TRAK1: variants seen among roughly 807,000 people sequenced by gnomAD.
The protein encoded by TRAK1 is trafficking kinesin protein 1, also known as trafficking kinesin-binding protein 1.
In TRAK1, 33 loss-of-function variants were observed where a neutral mutation model predicts 92.1. The observed-to-expected ratio is 0.36, with a 90% CI of 0.27 to 0.48. TRAK1 has a LOEUF of 0.48. Among genes scored for constraint, TRAK1 ranks in the 20% least tolerant of loss-of-function variants. The pLI is 0.99. For missense variants in TRAK1, 1,123 were observed against 1,257.9 expected, an observed-to-expected ratio of 0.89 and a Z score of 1.62; for synonymous variants, 521 against 517.3, an observed-to-expected ratio of 1.01 and a Z score of -0.10.
intron 1 of TRAK1, among the ~76,000 whole-genome samples, chr3:42,055,583 T>G (rs144462963): frequency 6.6e-6 from 1 of 152,314 alleles, no homozygotes; most frequent in Non-Finnish European, 1.5e-5. Flanking sequence ...CCATATCAGC[T>G]TCCTGAGTAG....
chr3:42,061,845 C>T (rs1262916326), intron 1 of TRAK1, among the ~76,000 whole-genome samples: 2 of 152,180 alleles, frequency 1.3e-5, no homozygotes, highest in Non-Finnish European at 2.9e-5. Context: ...TAGTACTTTG[C>T]CTTGGAAATG....
intron 7 of TRAK1, 123 bp from the exon 8 acceptor site, chr3:42,192,952 C>T (rs1464805119): frequency 3.6e-6 from 5 of 1,392,190 alleles, no homozygotes; most frequent in Middle Eastern, 5.3e-4. Flanking sequence ...GCACCCTCCC[C>T]ACTCTACCCT....
chr3:42,195,327 A>G (rs1706453626), intron 10 of TRAK1, among the ~76,000 whole-genome samples: 1 of 152,206 alleles, frequency 6.6e-6, no homozygotes, highest in African/African-American at 2.4e-5. Flanking sequence ...TTTAATAGAC[A>G]TTACGTTTAG....
At chr3:42,196,080 T>A (rs1706581523) in intron 10 of TRAK1, among the ~76,000 whole-genome samples, 1 of 152,256 alleles carries the variant, frequency 6.6e-6, no homozygotes, top group African/African-American at 2.4e-5. Flanking sequence ...AATTGAAATT[T>A]GCATTTCAGT....
At chr3:42,107,290 C>T (rs1042207187) in intron 1 of TRAK1, among the ~76,000 whole-genome samples, 4 of 152,164 alleles carry the variant, frequency 2.6e-5, no homozygotes, top group East Asian at 1.9e-4. Flanking sequence ...CCAAGGCGGG[C>T]GGATCATGAG....
intron 7 of TRAK1, 78 bp from the exon 8 acceptor site, chr3:42,192,997 C>T: frequency 6.4e-7 from 1 of 1,565,180 alleles, no homozygotes; most frequent in Non-Finnish European, 8.6e-7. Context: ...TTGTGCAAAC[C>T]ACAAAGAAAC....
chr3:42,120,500 T>C (rs1379095185), intron 1 of TRAK1, among the ~76,000 whole-genome samples: 3 of 152,148 alleles, frequency 2.0e-5, no homozygotes, highest in Non-Finnish European at 4.4e-5. Flanking sequence ...TCCGTGGTTC[T>C]GCAGACAAGT....
intron 14 of TRAK1, chr3:42,212,562 A>T (rs1161072585): frequency 1.0e-6 from 1 of 973,412 alleles, no homozygotes; most frequent in Non-Finnish European, 1.2e-6. Context: ...CTTAAAAAGG[A>T]TGAATCCATG....
intron 1 of TRAK1, among the ~76,000 whole-genome samples, chr3:42,077,589 G>A (rs1704217723): frequency 6.6e-6 from 1 of 152,068 alleles, no homozygotes; most frequent in Non-Finnish European, 1.5e-5. Context: ...TGCCTGGACT[G>A]TTTTTCCATT....
chr3:42,123,977 C>CA, intron 1 of TRAK1, among the ~76,000 whole-genome samples: 1 of 151,878 alleles, frequency 6.6e-6, no homozygotes, highest in Non-Finnish European at 1.5e-5. Context: ...CTTGTCTCTA[C>CA]AAAAAATAAA....
At chr3:42,222,336 G>A (rs1710441772) in intron 15 of TRAK1, among the ~76,000 whole-genome samples, 2 of 152,144 alleles carry the variant, frequency 1.3e-5, no homozygotes, top group African/African-American at 4.8e-5. Context: ...GGGCAGCACG[G>A]TGCAGAGGAA....
At chr3:42,095,718 G>GTCATCGTCATCATCATCA (rs778708244) in intron 1 of TRAK1, among the ~76,000 whole-genome samples, 9 of 151,188 alleles carry the variant, frequency 6.0e-5, no homozygotes, top group Non-Finnish European at 8.8e-5. Flanking sequence ...CTTTATCATC[G>GTCATCGTCATCATCATCA]TCATCATCAT....
intron 1 of TRAK1, among the ~76,000 whole-genome samples, chr3:42,073,785 A>G (rs745906992): frequency 6.6e-6 from 1 of 152,176 alleles, no homozygotes; most frequent in African/African-American, 2.4e-5. Flanking sequence ...ACCCGGACTG[A>G]TGGGCGTGCC....
At chr3:42,055,597 A>G (rs967057758) in intron 1 of TRAK1, among the ~76,000 whole-genome samples, 6 of 152,202 alleles carry the variant, frequency 3.9e-5, no homozygotes, top group African/African-American at 1.4e-4. Context: ...TGAGTAGCTG[A>G]GATCACAGGC....
intron 1 of TRAK1, among the ~76,000 whole-genome samples, chr3:42,070,778 C>T (rs1325810249): frequency 4.6e-5 from 7 of 152,162 alleles, no homozygotes; most frequent in Non-Finnish European, 1.0e-4. Flanking sequence ...GTAGCTTGTG[C>T]CTGCTGGTTC....
chr3:42,041,138 TAA>T (rs142346847), intron 1 of TRAK1, among the ~76,000 whole-genome samples: 228 of 131,910 alleles, frequency 1.7e-3, no homozygotes, highest in African/African-American at 5.5e-3. Context: ...AATTTATGCT[TAA>T]AAAAAAAAAA....
At chr3:42,159,424 G>A (rs990871221) in intron 2 of TRAK1, among the ~76,000 whole-genome samples, 3 of 152,166 alleles carry the variant, frequency 2.0e-5, no homozygotes, top group Admixed American at 6.5e-5. Flanking sequence ...GGGTTTGATG[G>A]AAGAACCTGC....
intron 1 of TRAK1, among the ~76,000 whole-genome samples, chr3:42,037,525 G>T (rs908415037): frequency 2.6e-5 from 4 of 152,254 alleles, no homozygotes; most frequent in African/African-American, 4.8e-5. Context: ...GGTGTTTACA[G>T]TCTGGTACTA....
At chr3:42,112,203 G>A (rs1576414595) in intron 1 of TRAK1, among the ~76,000 whole-genome samples, 2 of 138,022 alleles carry the variant, frequency 1.4e-5, no homozygotes, top group African/African-American at 5.4e-5. Context: ...GTGCAATGGC[G>A]CGATCTCGGC....
Sources: gnomAD v4.1 joint callset for allele counts (sites outside exome capture counted in the v4.1 genomes callset) on GRCh38, gnomAD v4.1.1 for gene constraint, MANE v1.5 for transcripts, NCBI Gene and HGNC (gene_info 2026-07-23, HGNC 2026-07-21) for gene names.